Variants in SLC7A14 observed in about 807,000 individuals in gnomAD.
SLC7A14 encodes gamma-aminobutyric acid transporter SLC7A14.
Under a neutral mutation model 60.2 loss-of-function variants are expected in SLC7A14, and 37 were observed. The observed-to-expected ratio is 0.61, with a 90% CI of 0.47 to 0.81. The LOEUF is 0.81. Ranked by LOEUF, SLC7A14 falls within the 30% of genes least tolerant of loss-of-function variation. SLC7A14 has a pLI of 0.00. For missense variants in SLC7A14, 886 were observed against 982.7 expected, an observed-to-expected ratio of 0.90 and a Z score of 1.32; for synonymous variants, 399 against 395.8, an observed-to-expected ratio of 1.01 and a Z score of -0.10.
intron 4 of SLC7A14, chr3:170,495,987 C>G: frequency 8.7e-7 from 1 of 1,144,434 alleles, no homozygotes; most frequent in Admixed American, 1.7e-5. Flanking sequence ...GATCAATAAG[C>G]GTACAGAAAC....
intron 5 of SLC7A14, among the ~76,000 whole-genome samples, chr3:170,484,932 G>T (rs894863621): frequency 1.3e-5 from 2 of 152,150 alleles, no homozygotes; most frequent in Non-Finnish European, 2.9e-5. Flanking sequence ...AAAGTTGGTG[G>T]ATCATAGAAG....
intron 1 of SLC7A14, among the ~76,000 whole-genome samples, chr3:170,563,423 T>G (rs555024189): frequency 0.021 from 3,093 of 148,170 alleles, 76 homozygotes; most frequent in Middle Eastern, 0.045. Flanking sequence ...GTTTGTTTTT[T>G]TTTTTTTTTT....
intron 1 of SLC7A14, among the ~76,000 whole-genome samples, chr3:170,540,051 G>C (rs1407601752): frequency 6.6e-6 from 1 of 152,168 alleles, no homozygotes; most frequent in Non-Finnish European, 1.5e-5. Flanking sequence ...AAGTGACTAA[G>C]TGGCGGGGTG....
At chr3:170,564,443 A>G (rs938131850) in intron 1 of SLC7A14, among the ~76,000 whole-genome samples, 1 of 152,248 alleles carries the variant, frequency 6.6e-6, no homozygotes, top group Non-Finnish European at 1.5e-5. Context: ...ACTGAAACCC[A>G]AAAGATGTGC....
chr3:170,476,426 C>T (rs1443026139), intron 7 of SLC7A14, among the ~76,000 whole-genome samples: 2 of 152,208 alleles, frequency 1.3e-5, no homozygotes, highest in Non-Finnish European at 2.9e-5. Context: ...ACTTCTGTGC[C>T]CTCTGGCTGG....
In SLC7A14 at chr3:170,467,038, C is replaced by T. The variant is rs772734347; in HGVS notation, c.*17G>A. On this transcript the variant is annotated 3_prime_UTR_variant, in exon 8 of 8. Coordinates refer to ENST00000231706, the MANE Select transcript of SLC7A14 (RefSeq NM_020949.3). ...GAAAATCAGTCATCACCATTTCTAC[C>T]CACTTGTGTGTTTCTCCTACTCTGG... The T allele has an allele frequency of 6.4e-7, 1 of 1,568,646 alleles. No individual in the cohort carries two copies. Among genetic ancestry groups the T allele is most frequent in the Non-Finnish European group, 8.7e-7 (1 of 1,154,638 alleles).
intron 1 of SLC7A14, among the ~76,000 whole-genome samples, chr3:170,550,608 G>T (rs1275817111): frequency 7.6e-6 from 1 of 131,168 alleles, no homozygotes; most frequent in Non-Finnish European, 1.6e-5. Flanking sequence ...TGCAACCTCC[G>T]CCTCCCAGGT....
intron 2 of SLC7A14, among the ~76,000 whole-genome samples, chr3:170,503,996 CA>C (rs1486734963): frequency 6.6e-6 from 1 of 152,200 alleles, no homozygotes; most frequent in East Asian, 1.9e-4. Flanking sequence ...GAAAATCAAT[CA>C]GGCACTAACC....
At chr3:170,474,043 C>G (rs977595386) in intron 7 of SLC7A14, among the ~76,000 whole-genome samples, 5 of 152,194 alleles carry the variant, frequency 3.3e-5, no homozygotes, top group African/African-American at 1.2e-4. Context: ...AGAATGTTCA[C>G]AGCAGCTCTG....
intron 1 of SLC7A14, among the ~76,000 whole-genome samples, chr3:170,584,769 A>C (rs769734671): frequency 6.6e-6 from 1 of 152,264 alleles, no homozygotes; most frequent in East Asian, 1.9e-4. Flanking sequence ...CCTTGCCCCC[A>C]GCGCTCTCCT....
Position 170,526,976 on chromosome 3 carries a change from AG to A in SLC7A14, c.-41del. 2 of 1,576,674 alleles carry A rather than the reference AG, an allele frequency of 1.3e-6. No individual in the cohort carries two copies. The highest frequency in any genetic ancestry group is 1.2e-5 in the South Asian group (1 of 85,074). On this transcript the variant is annotated 5_prime_UTR_variant, in exon 2 of 8. Coordinates refer to ENST00000231706, the MANE Select transcript of SLC7A14 (RefSeq NM_020949.3). ...GATGCAGTGAAGGTCAGCTGATGGA[AG>A]GGGGCTACAAAGCCTTAGTGGATGG...
chr3:170,463,842 C>T lies in SLC7A14; in HGVS notation c.*3213G>A, dbSNP rs1427034587. 4 of 152,320 alleles carry T rather than the reference C, an allele frequency of 2.6e-5. No homozygotes were observed. In the South Asian group the frequency reaches 6.2e-4, roughly 24 times the overall value. 9.4% of individuals were successfully genotyped at this position (152,320 alleles called of 1,614,324 possible). ...AATCATCAGGTATTTCTTGAATACACACTATATGCCAGGCACATGTAGCTA... is the reference window on the plus strand; with the variant it reads ...AATCATCAGGTATTTCTTGAATACATACTATATGCCAGGCACATGTAGCTA... On this transcript the variant is annotated 3_prime_UTR_variant, in exon 8 of 8. Coordinates refer to ENST00000231706, the MANE Select transcript of SLC7A14 (RefSeq NM_020949.3).
rs1214804561 is a variant in SLC7A14 at position 170,510,322 on chromosome 3, G to A, written c.305-8977C>T. Among the ~76,000 whole-genome samples, 127 of 149,250 alleles carry A rather than the reference G, an allele frequency of 8.5e-4. 1 individual carries two copies. Among genetic ancestry groups the A allele is most frequent in the Non-Finnish European group, 1.0e-3 (68 of 67,306 alleles). ...GCAGAATTGCTTGAACCTAGGAGGCGGAGGTTGCAGTGAGCCAAGATTGTG... is the reference window on the plus strand; with the variant it reads ...GCAGAATTGCTTGAACCTAGGAGGCAGAGGTTGCAGTGAGCCAAGATTGTG... On this transcript the variant is annotated intron_variant, in intron 2 of 7. Coordinates refer to ENST00000231706, the MANE Select transcript of SLC7A14 (RefSeq NM_020949.3).
At chr3:170,471,730 G>A (rs1232756170) in intron 7 of SLC7A14, among the ~76,000 whole-genome samples, 1 of 152,088 alleles carries the variant, frequency 6.6e-6, no homozygotes, top group Non-Finnish European at 1.5e-5. Context: ...ATCTTTTGAG[G>A]GTGGATTTGA....
At chr3:170,490,011 T>A (rs1236033110) in intron 4 of SLC7A14, among the ~76,000 whole-genome samples, 3 of 152,026 alleles carry the variant, frequency 2.0e-5, no homozygotes, top group Non-Finnish European at 4.4e-5. Flanking sequence ...GTAGAAAGAA[T>A]GAGTAAGACC....
chr3:170,481,618 T>C (rs1250970496), intron 6 of SLC7A14, among the ~76,000 whole-genome samples: 1 of 152,130 alleles, frequency 6.6e-6, no homozygotes, highest in African/African-American at 2.4e-5. Context: ...ACCAGGCTGG[T>C]CTCGAACTCC....
chr3:170,515,629 TG>T (rs138660849), intron 2 of SLC7A14, among the ~76,000 whole-genome samples: 11 of 149,976 alleles, frequency 7.3e-5, no homozygotes, highest in Admixed American at 4.0e-4. Flanking sequence ...TGTGTTGGGG[TG>T]GGGGGGGAGT....
At chr3:170,560,317 G>A (rs182290037) in intron 1 of SLC7A14, among the ~76,000 whole-genome samples, 4 of 152,112 alleles carry the variant, frequency 2.6e-5, no homozygotes, top group Non-Finnish European at 1.5e-5. Flanking sequence ...CAGAGACCTA[G>A]AGAATAATAT....
chr3:170,580,025 G>T (rs1393778870), intron 1 of SLC7A14, among the ~76,000 whole-genome samples: 1 of 152,196 alleles, frequency 6.6e-6, no homozygotes, highest in African/African-American at 2.4e-5. Flanking sequence ...GGTAAGATTT[G>T]ATATACTGTG....
Sources: allele counts gnomAD v4.1 joint callset (sites outside exome capture counted in the v4.1 genomes callset), GRCh38; gene constraint gnomAD v4.1.1; transcripts MANE v1.5; gene names NCBI Gene and HGNC (gene_info 2026-07-23, HGNC 2026-07-21).